The following PCDHGB1 variants were observed in gnomAD, a reference collection of about 807,000 sequenced individuals.
PCDHGB1 encodes protocadherin gamma subfamily B, 1.
In PCDHGB1, 34 loss-of-function variants were observed where a neutral mutation model predicts 56.6. The ratio of observed to expected loss-of-function variants is 0.60; its 90% CI spans 0.46 to 0.80. The LOEUF (loss-of-function observed/expected upper bound fraction) is 0.80. Ranked by LOEUF, PCDHGB1 falls within the 30% of genes least tolerant of loss-of-function variation. The pLI is 0.00. For synonymous variants in PCDHGB1, 561 were observed against 505.9 expected, an observed-to-expected ratio of 1.11 and a Z score of -1.46; for missense variants, 1,278 against 1,204.6, an observed-to-expected ratio of 1.06 and a Z score of -0.90.
rs140779776 is a variant in PCDHGB1 at position 141,412,904 on chromosome 5, C to T, written c.2409+60235C>T. On this transcript the variant is annotated intron_variant, in intron 1 of 3. Transcript: ENST00000523390. ...CAACAGAATAGTTTACTTTCCATTG[C>T]ATGTATCACTTGGGTGCAGTAACTT... The T allele has an allele frequency of 4.0e-4, 150 of 378,712 alleles. 3 individuals carry two copies. In the East Asian group the frequency reaches 6.1e-3, roughly 15 times the overall value. 23.5% of individuals were successfully genotyped at this position (378,712 alleles called of 1,614,324 possible).
At chr5:141,423,303 G>C (rs779246046) in intron 1 of PCDHGB1, 2 of 1,614,172 alleles carry the variant, frequency 1.2e-6, no homozygotes, top group Non-Finnish European at 1.7e-6. Flanking sequence ...ACCTCTCGCT[G>C]TACTTGGTGG....
chr5:141,383,112 G>A (rs1167934535), intron 1 of PCDHGB1: 7 of 1,614,042 alleles, frequency 4.3e-6, no homozygotes, highest in East Asian at 2.2e-5. Context: ...CCAGAGGTAG[G>A]ACGCAGCTTT....
chr5:141,415,935 C>A, intron 1 of PCDHGB1: 1 of 601,886 alleles, frequency 1.7e-6, no homozygotes, highest in Non-Finnish European at 2.4e-6. Context: ...TTTATATTTC[C>A]TCCTGGGTGG....
chr5:141,487,312 TAA>T lies in PCDHGB1; in HGVS notation c.2410-7494_2410-7493del, dbSNP rs1464336630. ...TTGGCTCATTCGTGGCACTACTCTC[TAA>T]GTGTCTTCGTGGGGCAGCCTGTGGA... On this transcript the variant is annotated intron_variant, in intron 1 of 3. Transcript: ENST00000523390. The surrounding 1 kb of genome is among the most constrained non-coding windows in gnomAD (Gnocchi z 5.0). 1 of 1,614,158 alleles carries T rather than the reference TAA, an allele frequency of 6.2e-7. No homozygotes were observed. Among genetic ancestry groups the T allele is most frequent in the African/African-American group, 1.3e-5 (1 of 75,056 alleles).
chr5:141,382,956 C>G (rs373364562), intron 1 of PCDHGB1: 1 of 1,606,182 alleles, frequency 6.2e-7, no homozygotes, highest in Non-Finnish European at 8.5e-7. Flanking sequence ...TCTCCATCCT[C>G]CTGGGGACCC....
intron 1 of PCDHGB1, chr5:141,394,079 G>A (rs375995047): frequency 5.0e-6 from 8 of 1,613,706 alleles, no homozygotes; most frequent in Non-Finnish European, 5.9e-6. Context: ...ATATCACAGT[G>A]ATGGCCTCAG....
At chr5:141,417,943 G>A (rs772925118) in intron 1 of PCDHGB1, 2 of 1,613,194 alleles carry the variant, frequency 1.2e-6, no homozygotes, top group Admixed American at 1.7e-5. Flanking sequence ...TCTACCCCAC[G>A]CTGTGTGAGC....
At chr5:141,399,592 G>A (rs1385029299) in intron 1 of PCDHGB1, 4 of 1,613,880 alleles carry the variant, frequency 2.5e-6, no homozygotes, top group Non-Finnish European at 3.4e-6. Flanking sequence ...CTCTATCATG[G>A]CCAGCGACCT....
intron 1 of PCDHGB1, chr5:141,415,846 G>A: frequency 3.2e-6 from 4 of 1,240,536 alleles, no homozygotes; most frequent in Non-Finnish European, 4.2e-6. Flanking sequence ...TAGCTTTGCA[G>A]AACCTTGTAG....
Position 141,510,974 on chromosome 5 carries a change from G to T in PCDHGB1, c.2585G>T (p.Gly862Val). The T allele has an allele frequency of 6.2e-7, 1 of 1,614,150 alleles. No homozygotes were observed. The highest frequency in any genetic ancestry group is 1.1e-5 in the South Asian group (1 of 91,088). ...SEAADGSSTL[G>V]GGAGTMGLSA... ...GCTGCTGATGGGAGCTCCACCCTGG[G>T]AGGGGGTGCCGGCACCATGGGATTG... is the stretch of plus-strand genomic sequence containing the variant. The change falls in exon 4 of 4, where the codon GGA becomes GTA. Residue 862 changes from glycine (G) to valine (V), a missense_variant. Physicochemically the swap from Gly to Val is moderately radical, Grantham distance 109. Transcript: ENST00000523390.
rs199936765 is a variant in PCDHGB1 at position 141,408,488 on chromosome 5, T to G, written c.2409+55819T>G. Reference sequence around the variant, plus strand: ...GAACCGAATAGACCGTGAGCAAATATGCAAAGAGAGAAGAAGATGTGAGTT... The same window carrying G: ...GAACCGAATAGACCGTGAGCAAATAGGCAAAGAGAGAAGAAGATGTGAGTT... On this transcript the variant is annotated intron_variant, in intron 1 of 3. Transcript: ENST00000523390. 8.1e-5 allele frequency: 130 copies of G among 1,614,012 alleles called. No individual in the cohort carries two copies. The Middle Eastern group carries it at 1.8e-3, about 23-fold the overall frequency.
intron 1 of PCDHGB1, chr5:141,395,894 C>T (rs768471284): frequency 6.6e-6 from 1 of 152,020 alleles, no homozygotes; most frequent in Non-Finnish European, 1.5e-5. Flanking sequence ...CACCTGGGCT[C>T]CATGCCCATG....
At chr5:141,446,894 A>C (rs1413761456) in intron 1 of PCDHGB1, among the ~76,000 whole-genome samples, 3 of 152,118 alleles carry the variant, frequency 2.0e-5, no homozygotes, top group Non-Finnish European at 2.9e-5. Flanking sequence ...TTCATGGCTG[A>C]GCTACTTTTG....
chr5:141,358,067 G>A (rs78973624), intron 1 of PCDHGB1, among the ~76,000 whole-genome samples: 2,212 of 152,258 alleles, frequency 0.015, 49 homozygotes, highest in African/African-American at 0.049. Context: ...GTGTGTGCCC[G>A]TAGTCCCAGC....
In PCDHGB1 at chr5:141,415,239, T is replaced by G. The variant is rs781763142; in HGVS notation, c.2409+62570T>G. The G allele has an allele frequency of 8.1e-6, 13 of 1,614,068 alleles. No individual in the cohort carries two copies. The South Asian group carries it at 1.3e-4, about 16-fold the overall frequency. The stretch of plus-strand genomic sequence containing the variant: ...GCAGCTTCGAGTCTCCAGCTAACTC[T>G]GAAACCTCAGACCTCACTCTGTACC... On this transcript the variant is annotated intron_variant, in intron 1 of 3. Coordinates refer to ENST00000523390, the MANE Select transcript of PCDHGB1 (RefSeq NM_018922.3).
chr5:141,404,021 A>G, intron 1 of PCDHGB1: 1 of 1,613,894 alleles, frequency 6.2e-7, no homozygotes, highest in Non-Finnish European at 8.5e-7. Flanking sequence ...TAGCCCAGTG[A>G]GAGAAGACGC....
In PCDHGB1 at chr5:141,431,211, G is replaced by A. The variant is rs1054638121; in HGVS notation, c.2410-63596G>A. The A allele has an allele frequency of 6.2e-7, 1 of 1,614,004 alleles. No individual in the cohort carries two copies. The highest frequency in any genetic ancestry group is 1.7e-5 in the Admixed American group (1 of 60,006). ...AGTGAAAATGCAGCCACTGAGATGC[G>A]GTTCCCTCTACCCCACGCCTGGGAT... On this transcript the variant is annotated intron_variant, in intron 1 of 3. Coordinates refer to ENST00000523390, the MANE Select transcript of PCDHGB1 (RefSeq NM_018922.3). This position sits in a 1 kb window ranked among gnomAD's most constrained non-coding sequence, Gnocchi z 4.8.
intron 1 of PCDHGB1, chr5:141,385,603 T>C: frequency 1.7e-6 from 2 of 1,190,158 alleles, no homozygotes; most frequent in South Asian, 5.3e-5. Flanking sequence ...CTTTCTTAAC[T>C]CATATATTTT....
rs549307445 is a variant in PCDHGB1, at chr5:141,400,703, G to T, written c.2409+48034G>T. On this transcript the variant is annotated intron_variant, in intron 1 of 3. Transcript: ENST00000523390. The stretch of plus-strand genomic sequence containing the variant: ...TTGTGAGTTTTTATGTCGCATAAAA[G>T]AAGTAGCCTTATAGATTTACAAAGT... 6 of 714,832 alleles carry T rather than the reference G, an allele frequency of 8.4e-6. No homozygotes were observed. In the Admixed American group the frequency reaches 1.4e-4, roughly 17 times the overall value. The allele number at this position is 714,832 out of a possible 1,614,324, so 44.3% of individuals were successfully genotyped here. A position where few individuals can be genotyped will look rare whatever the true frequency, so the allele number is the denominator to read the frequency against.
Sources: allele counts gnomAD v4.1 joint callset (sites outside exome capture counted in the v4.1 genomes callset), GRCh38; gene constraint gnomAD v4.1.1; non-coding constraint Gnocchi (gnomAD v3.1); transcripts MANE v1.5; gene names NCBI Gene and HGNC (gene_info 2026-07-23, HGNC 2026-07-21).